Variants in SLC4A5 observed in about 807,000 individuals in gnomAD.
The protein encoded by SLC4A5 is solute carrier family 4 member 5, also known as electrogenic sodium bicarbonate cotransporter 4.
A neutral mutation model predicts 120.4 loss-of-function variants in SLC4A5; 96 were observed. The ratio of observed to expected loss-of-function variants is 0.80; its 90% CI spans 0.68 to 0.94. SLC4A5 has a LOEUF of 0.94. Ranked by LOEUF, SLC4A5 falls within the 40% of genes least tolerant of loss-of-function variation. The pLI, the probability that SLC4A5 is intolerant of heterozygous loss-of-function variation, is 0.00. For synonymous variants in SLC4A5, 550 were observed against 571.1 expected, an observed-to-expected ratio of 0.96 and a Z score of 0.53; for missense variants, 1,259 against 1,459.5, an observed-to-expected ratio of 0.86 and a Z score of 2.24.
At position 74,255,156 on chromosome 2, in the gene SLC4A5, T is replaced by C. The variant is rs1367968074; in HGVS notation, c.1026-450A>G. 2.6e-5 allele frequency among the ~76,000 whole-genome samples: 4 copies of C among 151,064 alleles called. No individual in the cohort carries two copies. The highest frequency in any genetic ancestry group is 9.9e-5 in the African/African-American group (4 of 40,364). Reference sequence around the variant, plus strand: ...TTTTTTACTTCCCTCCATGGAACCCTATGTTTGCTTTGGAGGAACATTTCC... The same window carrying C: ...TTTTTTACTTCCCTCCATGGAACCCCATGTTTGCTTTGGAGGAACATTTCC... On this transcript the variant is annotated intron_variant, in intron 13 of 30. Transcript: ENST00000394019. The surrounding 1 kb of genome is among the most constrained non-coding windows in gnomAD (Gnocchi z 4.0).
intron 3 of SLC4A5, among the ~76,000 whole-genome samples, chr2:74,338,450 C>T (rs917585291): frequency 6.6e-6 from 1 of 152,228 alleles, no homozygotes; most frequent in African/African-American, 2.4e-5. Flanking sequence ...GGCCCTCATA[C>T]ATCTACTTGC....
At chr2:74,263,187 G>T (rs552285296) in intron 10 of SLC4A5, among the ~76,000 whole-genome samples, 1 of 152,288 alleles carries the variant, frequency 6.6e-6, no homozygotes, top group African/African-American at 2.4e-5. Context: ...CTACAGGTGT[G>T]TGCCACCACA....
intron 6 of SLC4A5, chr2:74,307,478 C>T (rs544603213): frequency 3.2e-6 from 2 of 622,350 alleles, no homozygotes. Context: ...GGATGTCGCT[C>T]TCTACAGACT....
At chr2:74,307,399 G>C in intron 6 of SLC4A5, 1 of 634,872 alleles carries the variant, frequency 1.6e-6, no homozygotes, top group Admixed American at 1.9e-5. Context: ...AGCTCCTCGA[G>C]AGCCTCGATC....
chr2:74,265,252 A>G (rs1486985777), exon 9 of SLC4A5: 1 of 1,613,994 alleles, frequency 6.2e-7, no homozygotes, highest in East Asian at 2.2e-5. Flanking sequence ...CCTTTTCTTC[A>G]AACTTTATCC....
At chr2:74,256,862 G>C (rs569600926) in intron 12 of SLC4A5, among the ~76,000 whole-genome samples, 2 of 152,320 alleles carry the variant, frequency 1.3e-5, no homozygotes, top group Admixed American at 1.3e-4. Flanking sequence ...GGAGCAGTTG[G>C]GGTAGCGGCA....
rs367922236 is a variant in SLC4A5, at chr2:74,241,741, C to CAAA, written c.2118+250_2118+252dup. 4.6e-4 allele frequency among the ~76,000 whole-genome samples: 45 copies of CAAA among 97,394 alleles called. 1 individual carries two copies. The highest frequency in any genetic ancestry group is 6.8e-4 in the Non-Finnish European group (34 of 50,336). 63.9% of individuals were successfully genotyped at this position (97,394 alleles called of 152,430 possible). On this transcript the variant is annotated intron_variant, in intron 20 of 30. Coordinates refer to ENST00000394019, the Ensembl canonical transcript of SLC4A5. ...TGGGCAACACAGTGAGACCCTGTCT[C>CAAA]AAAAAAAAAAAAAAAACGCACAAAA...
chr2:74,231,562 G>A (rs189376326), intron 24 of SLC4A5, among the ~76,000 whole-genome samples: 11 of 152,328 alleles, frequency 7.2e-5, no homozygotes, highest in African/African-American at 2.6e-4. Flanking sequence ...GTAGCTGGGG[G>A]GCTTGAGCAG....
intron 8 of SLC4A5, among the ~76,000 whole-genome samples, chr2:74,271,197 CCT>C (rs1468997031): frequency 2.0e-5 from 3 of 152,228 alleles, no homozygotes; most frequent in African/African-American, 7.2e-5. Context: ...TGTCCTCTTT[CCT>C]CTCTGTTTTC....
intron 10 of SLC4A5, among the ~76,000 whole-genome samples, chr2:74,262,594 G>C (rs1464476109): frequency 6.6e-6 from 1 of 151,902 alleles, no homozygotes; most frequent in Non-Finnish European, 1.5e-5. Context: ...AGCTACTTGG[G>C]AGGCTGAGGC....
chr2:74,293,989 G>C (rs1186600556), intron 7 of SLC4A5, among the ~76,000 whole-genome samples: 6 of 152,208 alleles, frequency 3.9e-5, no homozygotes, highest in Non-Finnish European at 8.8e-5. Flanking sequence ...CAGGCCTAAA[G>C]AAAGAAAGAG....
intron 5 of SLC4A5, among the ~76,000 whole-genome samples, chr2:74,324,699 T>C (rs1227122183): frequency 2.0e-5 from 3 of 152,080 alleles, no homozygotes; most frequent in Non-Finnish European, 4.4e-5. Context: ...TTTTTTCCCA[T>C]AGACAACCAC....
chr2:74,262,768 A>G (rs564407053), intron 10 of SLC4A5, among the ~76,000 whole-genome samples: 1 of 152,254 alleles, frequency 6.6e-6, no homozygotes, highest in South Asian at 2.1e-4. Context: ...TACACAGTGC[A>G]TTAAATGGGC....
At chr2:74,254,905 C>T (rs576739964) in intron 13 of SLC4A5, among the ~76,000 whole-genome samples, 199 bp from the exon 14 acceptor site, 1 of 151,762 alleles carries the variant, frequency 6.6e-6, no homozygotes, top group East Asian at 1.9e-4. Context: ...CTGCAACCTC[C>T]ACCTCCTAGG....
chr2:74,316,472 G>A lies in SLC4A5; in HGVS notation c.-2-1447C>T, dbSNP rs144842585. ...CTGGCCAAGACAGGATAGGAGGTCA[G>A]ACACACCTGGTTATATCATCTCCCT... is the stretch of plus-strand genomic sequence containing the variant. On this transcript the variant is annotated intron_variant, in intron 5 of 30. Transcript: ENST00000394019. Among the ~76,000 whole-genome samples the A allele has an allele frequency of 1.5e-4, 23 of 152,152 alleles. No individual in the cohort carries two copies. In the East Asian group the frequency reaches 4.4e-3, roughly 29 times the overall value.
exon 28 of SLC4A5, chr2:74,224,921 G>T: frequency 6.2e-7 from 1 of 1,613,956 alleles, no homozygotes; most frequent in Non-Finnish European, 8.5e-7. Context: ...CTGGGAGGAT[G>T]TTGTCAATCC....
At chr2:74,328,017 T>G (rs1485002267) in intron 5 of SLC4A5, 103 bp downstream of exon 5, 1 of 519,972 alleles carries the variant, frequency 1.9e-6, no homozygotes, top group African/African-American at 2.1e-5. Flanking sequence ...TCAGTGTGTG[T>G]GAAGCTTACT....
intron 6 of SLC4A5, chr2:74,306,619 C>T: frequency 7.4e-6 from 3 of 402,896 alleles, no homozygotes; most frequent in South Asian, 2.4e-5. Context: ...TTTAAGCTTC[C>T]TCCATGTGTT....
chr2:74,219,527 C>A (rs965468063), intron 30 of SLC4A5, among the ~76,000 whole-genome samples: 1 of 152,130 alleles, frequency 6.6e-6, no homozygotes, highest in African/African-American at 2.4e-5. Context: ...ATTTAGTGAT[C>A]TTTGCCTCCA....
Sources: gnomAD v4.1 joint callset for allele counts (sites outside exome capture counted in the v4.1 genomes callset) on GRCh38, gnomAD v4.1.1 for gene constraint, Gnocchi (gnomAD v3.1) non-coding constraint, MANE v1.5 for transcripts, NCBI Gene and HGNC (gene_info 2026-07-23, HGNC 2026-07-21) for gene names.